Variants in NCOA3 observed in about 807,000 individuals in gnomAD.
The protein encoded by NCOA3 is CBP-interacting protein.
Under a neutral mutation model 158.8 loss-of-function variants are expected in NCOA3, and 51 were observed. That is an observed-to-expected ratio of 0.32 (90% CI 0.26 to 0.41). The LOEUF (loss-of-function observed/expected upper bound fraction) is 0.41. Among genes scored for constraint, NCOA3 ranks in the 10% least tolerant of loss-of-function variants. NCOA3 has a pLI of 1.00. For synonymous variants in NCOA3, 537 were observed against 592.4 expected (o/e 0.91, Z 1.36); for missense variants, 1,510 against 1,746.6 (o/e 0.86, Z 2.41).
In NCOA3 at chr20:47,654,321, C is replaced by T. The variant is rs552539526; in HGVS notation, c.*904C>T. 2.0e-5 allele frequency: 3 copies of T among 152,458 alleles called. No individual in the cohort carries two copies. The highest frequency in any genetic ancestry group is 2.9e-5 in the Non-Finnish European group (2 of 68,010). 9.4% of individuals were successfully genotyped at this position (152,458 alleles called of 1,614,324 possible). A position where few individuals can be genotyped will look rare whatever the true frequency, so the allele number is the denominator to read the frequency against. ...CTTTTTAAAAATAAACTTCTGAAAA[C>T]CCAAGGCCAGGTACTGCATTCTGAA... On this transcript the variant is annotated 3_prime_UTR_variant, in exon 23 of 23. Coordinates refer to ENST00000371998, the MANE Select transcript of NCOA3 (RefSeq NM_181659.3).
In NCOA3 at chr20:47,627,553, T is replaced by C. The variant is rs778945270; in HGVS notation, c.533-8T>C. 5 of 1,587,854 alleles carry C rather than the reference T, an allele frequency of 3.1e-6. No individual in the cohort carries two copies. Among genetic ancestry groups the C allele is most frequent in the Non-Finnish European group, 4.3e-6 (5 of 1,168,494 alleles). On this transcript the variant is annotated splice_region_variant and splice_polypyrimidine_tract_variant and intron_variant, in intron 6 of 22. Transcript: ENST00000371998. ...TTTTAAAATGTCATTTCAATTTGTTTTCCAAAGTTAATGGAGTTTCCTGGA... is the reference window on the plus strand; with the variant it reads ...TTTTAAAATGTCATTTCAATTTGTTCTCCAAAGTTAATGGAGTTTCCTGGA...
At chr20:47,621,150 A>G (rs2086233620) in intron 2 of NCOA3, among the ~76,000 whole-genome samples, 2 of 152,230 alleles carry the variant, frequency 1.3e-5, no homozygotes, top group African/African-American at 4.8e-5. Flanking sequence ...TTTTCTTGGT[A>G]ATTTAATACA....
chr20:47,521,485 C>T (rs1254069021), intron 1 of NCOA3, among the ~76,000 whole-genome samples: 1 of 152,032 alleles, frequency 6.6e-6, no homozygotes, highest in East Asian at 1.9e-4. Flanking sequence ...GCTGCTGTGT[C>T]GTTCCCCTAT....
At position 47,536,806 on chromosome 20, in the gene NCOA3, T is replaced by C. The variant is rs1285178415; in HGVS notation, c.-99+34787T>C. Among the ~76,000 whole-genome samples, 6 of 103,914 alleles carry C rather than the reference T, an allele frequency of 5.8e-5. 1 individual carries two copies. The highest frequency in any genetic ancestry group is 2.7e-4 in the African/African-American group (6 of 22,484). 68.2% of individuals were successfully genotyped at this position (103,914 alleles called of 152,430 possible). ...TGTGCCCAGCCTCACTGTTTTTTTCTTTTTTTTTTTTTTTTTTGAGACAGT... is the reference window on the plus strand; with the variant it reads ...TGTGCCCAGCCTCACTGTTTTTTTCCTTTTTTTTTTTTTTTTTGAGACAGT... On this transcript the variant is annotated intron_variant, in intron 1 of 22. Coordinates refer to ENST00000371998, the MANE Select transcript of NCOA3 (RefSeq NM_181659.3).
At chr20:47,522,399 C>T (rs2084355752) in intron 1 of NCOA3, among the ~76,000 whole-genome samples, 1 of 145,634 alleles carries the variant, frequency 6.9e-6, no homozygotes, top group South Asian at 2.1e-4. Flanking sequence ...AGCCACAGCG[C>T]CCGGCCCTTT....
chr20:47,615,604 T>C (rs1249169958), intron 2 of NCOA3, among the ~76,000 whole-genome samples: 2 of 152,216 alleles, frequency 1.3e-5, no homozygotes, highest in Non-Finnish European at 2.9e-5. Context: ...CTTTAATTAG[T>C]TAGTTATTCC....
At chr20:47,563,043 G>T (rs1353514693) in intron 1 of NCOA3, among the ~76,000 whole-genome samples, 1 of 152,206 alleles carries the variant, frequency 6.6e-6, no homozygotes, top group East Asian at 1.9e-4. Context: ...AACACGCCTG[G>T]CTAAAAGTAA....
At chr20:47,525,666 A>C (rs1189088438) in intron 1 of NCOA3, among the ~76,000 whole-genome samples, 8 of 86,356 alleles carry the variant, frequency 9.3e-5, no homozygotes, top group Admixed American at 2.3e-4. Flanking sequence ...GGGGGGGCTG[A>C]CCCCCCCCAC....
intron 2 of NCOA3, among the ~76,000 whole-genome samples, chr20:47,621,653 A>ATTTTTTTTTTTTTTTT (rs1568732214): frequency 1.1e-5 from 1 of 93,120 alleles, no homozygotes; most frequent in African/African-American, 4.8e-5. Context: ...CCATCAGTCA[A>ATTTTTTTTTTTTTTTT]ATTTTTTTTT....
chr20:47,654,788 G>A lies in NCOA3; in HGVS notation c.*1371G>A, dbSNP rs1015629989. 1 of 152,042 alleles carries A rather than the reference G, an allele frequency of 6.6e-6. No homozygotes were observed. Among genetic ancestry groups the A allele is most frequent in the African/African-American group, 2.4e-5 (1 of 41,398 alleles). 9.4% of individuals were successfully genotyped at this position (152,042 alleles called of 1,614,324 possible). ...AAAAAAATCAGGAATTTAAAAAAAC[G>A]AGCAATTTGAAGAGAATCTTTTGGA... On this transcript the variant is annotated 3_prime_UTR_variant, in exon 23 of 23. Coordinates refer to ENST00000371998, the MANE Select transcript of NCOA3 (RefSeq NM_181659.3).
chr20:47,589,889 G>A (rs982554822), intron 2 of NCOA3, among the ~76,000 whole-genome samples: 3 of 151,908 alleles, frequency 2.0e-5, no homozygotes, highest in Admixed American at 2.0e-4. Flanking sequence ...CAGGTACCAG[G>A]CCCATAAACA....
intron 18 of NCOA3, 136 bp downstream of exon 18, chr20:47,647,502 T>G (rs1471627947): frequency 6.1e-6 from 5 of 818,980 alleles, no homozygotes; most frequent in Admixed American, 3.0e-5. Context: ...TGTGTAAGGT[T>G]TTATTTGTAC....
chr20:47,621,182 C>T (rs1202808209), intron 2 of NCOA3, among the ~76,000 whole-genome samples: 1 of 152,048 alleles, frequency 6.6e-6, no homozygotes, highest in African/African-American at 2.4e-5. Context: ...TCTGTAAAGA[C>T]AATGTTGCAA....
intron 1 of NCOA3, among the ~76,000 whole-genome samples, chr20:47,512,649 GA>G (rs1181733931): frequency 6.6e-6 from 1 of 150,826 alleles, no homozygotes; most frequent in Non-Finnish European, 1.5e-5. Flanking sequence ...AAGTAAGTAC[GA>G]AAAAAGATGC....
chr20:47,580,213 A>G (rs529925366), intron 1 of NCOA3, among the ~76,000 whole-genome samples: 2 of 152,160 alleles, frequency 1.3e-5, no homozygotes, highest in South Asian at 4.1e-4. Context: ...CACCTTCTAC[A>G]CGAGGCAGCA....
chr20:47,530,752 A>G (rs2084532009), intron 1 of NCOA3, among the ~76,000 whole-genome samples: 1 of 152,226 alleles, frequency 6.6e-6, no homozygotes, highest in Non-Finnish European at 1.5e-5. Flanking sequence ...GGCGTGGGCC[A>G]CTGCGCCTGG....
rs749009157 is a variant in NCOA3, at chr20:47,652,450, C to G, written c.3991C>G (p.Pro1331Ala). The change falls in exon 21 of 23, where the codon CCT becomes GCT. Residue 1331 changes from proline (P) to alanine (A), a missense_variant. Pro to Ala is a conservative substitution (Grantham distance 27). Around this residue, in one of 4 missense-constraint regions of NCOA3, gnomAD observed 180 missense variants for 199.3 expected, o/e 0.90. Transcript: ENST00000371998. Reference sequence around the variant, plus strand: ...TCCAGCCTTTGGTCGAGTGTCTAGTCCTCCCAATGCAATGATGTCGTCAAG... The same window carrying G: ...TCCAGCCTTTGGTCGAGTGTCTAGTGCTCCCAATGCAATGATGTCGTCAAG... ...PDPAFGRVSSPPNAMMSSRMG... is the reference protein window; with the variant it reads ...PDPAFGRVSSAPNAMMSSRMG... 1 of 1,613,342 alleles carries G rather than the reference C, an allele frequency of 6.2e-7. No homozygotes were observed. The highest frequency in any genetic ancestry group is 8.5e-7 in the Non-Finnish European group (1 of 1,179,474).
At chr20:47,608,777 G>A (rs186050868) in intron 2 of NCOA3, among the ~76,000 whole-genome samples, 1 of 152,102 alleles carries the variant, frequency 6.6e-6, no homozygotes, top group African/African-American at 2.4e-5. Flanking sequence ...AGATCAAAAG[G>A]CTTGAAATCT....
intron 8 of NCOA3, among the ~76,000 whole-genome samples, chr20:47,632,778 G>A (rs2146315611): frequency 6.6e-6 from 1 of 151,634 alleles, no homozygotes; most frequent in Admixed American, 6.6e-5. Flanking sequence ...CGCCTGCCAG[G>A]TTCCAGCGAT....
Sources: allele counts gnomAD v4.1 joint callset (sites outside exome capture counted in the v4.1 genomes callset), GRCh38; gene constraint gnomAD v4.1.1; regional missense constraint gnomAD v4.1.1; transcripts MANE v1.5; gene names NCBI Gene and HGNC (gene_info 2026-07-23, HGNC 2026-07-21).